Variants in E2F5 observed in about 807,000 individuals in gnomAD.
E2F5 encodes transcription factor E2F5.
Under a neutral mutation model 39.1 loss-of-function variants are expected in E2F5, and 23 were observed. That is an observed-to-expected ratio of 0.59 (90% CI 0.42 to 0.83). The LOEUF is 0.83. E2F5 is among the 40% of genes least tolerant of loss of function. E2F5 has a pLI of 0.00. For synonymous variants in E2F5, 145 were observed against 157.8 expected, an observed-to-expected ratio of 0.92 and a Z score of 0.61; for missense variants, 365 against 406.7, an observed-to-expected ratio of 0.90 and a Z score of 0.88.
Position 85,212,134 on chromosome 8 carries a change from C to T in E2F5, c.884-23C>T, listed in dbSNP as rs552106113. 7.9e-5 allele frequency: 126 copies of T among 1,587,916 alleles called. 3 individuals carry two copies. The South Asian group carries it at 1.3e-3, about 17-fold the overall frequency. On this transcript the variant is annotated intron_variant, in intron 6 of 7. Coordinates refer to ENST00000416274, the MANE Select transcript of E2F5 (RefSeq NM_001951.4). ...TCTTTTACTGTTAACAGAAATATAA[C>T]AAAACTTTATTACTGTTTCCAGCAG... is the stretch of plus-strand genomic sequence containing the variant.
At chr8:85,198,663 G>A (rs951216071) in intron 1 of E2F5, among the ~76,000 whole-genome samples, 1 of 152,136 alleles carries the variant, frequency 6.6e-6, no homozygotes, top group Non-Finnish European at 1.5e-5. Flanking sequence ...ATTTTCTTCT[G>A]ACTTCAGTGG....
At chr8:85,212,040 C>T (rs1812935565) in intron 6 of E2F5, 117 bp from the exon 7 acceptor site, 2 of 757,670 alleles carry the variant, frequency 2.6e-6, no homozygotes, top group Non-Finnish European at 4.4e-6. Flanking sequence ...CCACAAAGTA[C>T]TAGTACTTTA....
intron 1 of E2F5, among the ~76,000 whole-genome samples, chr8:85,192,842 T>C (rs1019679856): frequency 6.6e-6 from 1 of 152,252 alleles, no homozygotes; most frequent in Non-Finnish European, 1.5e-5. Context: ...TGAGTTTATG[T>C]CCTGACTTTA....
At chr8:85,213,521 C>G (rs1436865462) in intron 7 of E2F5, 103 of 196,782 alleles carry the variant, frequency 5.2e-4, no homozygotes, top group African/African-American at 3.5e-3. Context: ...CCAGCCTGGA[C>G]GAAACAGGGA....
At chr8:85,195,622 T>G (rs1812563352) in intron 1 of E2F5, among the ~76,000 whole-genome samples, 2 of 152,090 alleles carry the variant, frequency 1.3e-5, no homozygotes, top group Admixed American at 1.3e-4. Flanking sequence ...CCCAAATAGC[T>G]GGGACTGCAG....
intron 1 of E2F5, among the ~76,000 whole-genome samples, chr8:85,183,768 C>T (rs2136040791): frequency 6.6e-6 from 1 of 152,186 alleles, no homozygotes; most frequent in South Asian, 2.1e-4. Context: ...GAATTTGTTG[C>T]TTAATGGATG....
At chr8:85,186,445 T>C (rs914521391) in intron 1 of E2F5, among the ~76,000 whole-genome samples, 2 of 151,784 alleles carry the variant, frequency 1.3e-5, no homozygotes, top group Admixed American at 6.6e-5. Flanking sequence ...CCATGGCACA[T>C]GTATACCTAT....
chr8:85,191,910 T>G (rs994827738), intron 1 of E2F5, among the ~76,000 whole-genome samples: 4 of 152,178 alleles, frequency 2.6e-5, no homozygotes, highest in African/African-American at 9.7e-5. Context: ...AGCAAGACAG[T>G]GTATGTCAGA....
chr8:85,211,165 T>TG (rs1812911199), intron 6 of E2F5, among the ~76,000 whole-genome samples: 1 of 148,418 alleles, frequency 6.7e-6, no homozygotes, highest in Non-Finnish European at 1.5e-5. Flanking sequence ...GCAGGTACAC[T>TG]GCTTGAGCCC....
chr8:85,207,431 C>G lies in E2F5; in HGVS notation c.557C>G (p.Thr186Arg). ...TATATTTATTTTTGACCAGGTGATA[C>G]ACTTTTGGCCATTCAGGCACCTTCT... The part of the protein sequence containing the change: ...EDICNCFNGD[T>R]LLAIQAPSGT... The change falls in exon 5 of 8, where the codon ACA becomes AGA. Residue 186 changes from threonine (T) to arginine (R), a missense_variant. Transcript: ENST00000416274. 1 of 1,557,122 alleles carries G rather than the reference C, an allele frequency of 6.4e-7. No homozygotes were observed. The highest frequency in any genetic ancestry group is 1.2e-5 in the South Asian group (1 of 84,442).
chr8:85,178,499 A>G (rs1353789804), intron 1 of E2F5, among the ~76,000 whole-genome samples: 1 of 152,210 alleles, frequency 6.6e-6, no homozygotes, highest in African/African-American at 2.4e-5. Flanking sequence ...GATTTGGAAG[A>G]ATTCAACAGC....
chr8:85,177,333 C>A lies in E2F5; in HGVS notation c.-88C>A. 1.0e-6 allele frequency: 1 copy of A among 960,540 alleles called. No individual in the cohort carries two copies. The highest frequency in any genetic ancestry group is 4.8e-5 in the South Asian group (1 of 20,782). 59.5% of individuals were successfully genotyped at this position (960,540 alleles called of 1,614,324 possible). On this transcript the variant is annotated 5_prime_UTR_variant, in exon 1 of 8. Transcript: ENST00000416274. Reference sequence around the variant, plus strand: ...CGCTCTCGGCGGGCGGGGAAGCGGCCGCAGCGGAGCCGACCCGGCAGGTGG... The same window carrying A: ...CGCTCTCGGCGGGCGGGGAAGCGGCAGCAGCGGAGCCGACCCGGCAGGTGG...
chr8:85,200,483 G>T (rs1812673980), intron 1 of E2F5, among the ~76,000 whole-genome samples: 1 of 152,184 alleles, frequency 6.6e-6, no homozygotes, highest in Non-Finnish European at 1.5e-5. Context: ...TAAATCTCAT[G>T]GCACTTTGCC....
Position 85,177,345 on chromosome 8 carries a change from G to C in E2F5, c.-76G>C. ...GCGGGGAAGCGGCCGCAGCGGAGCC[G>C]ACCCGGCAGGTGGCCGCGGGCGGGG... On this transcript the variant is annotated 5_prime_UTR_variant, in exon 1 of 8. Transcript: ENST00000416274. 1 of 977,036 alleles carries C rather than the reference G, an allele frequency of 1.0e-6. No individual in the cohort carries two copies. Among genetic ancestry groups the C allele is most frequent in the Non-Finnish European group, 1.2e-6 (1 of 822,436 alleles). The allele number at this position is 977,036 out of a possible 1,614,324, so 60.5% of individuals were successfully genotyped here.
chr8:85,207,341 T>G lies in E2F5; in HGVS notation c.551-84T>G, dbSNP rs1451836398. On this transcript the variant is annotated intron_variant, in intron 4 of 7. Coordinates refer to ENST00000416274, the MANE Select transcript of E2F5 (RefSeq NM_001951.4). Reference sequence around the variant, plus strand: ...CCTAGTTTGGGATTGAACCAAACACTCTGATTCCAGAGCCCACATTCTTGC... The same window carrying G: ...CCTAGTTTGGGATTGAACCAAACACGCTGATTCCAGAGCCCACATTCTTGC... 16 of 1,221,138 alleles carry G rather than the reference T, an allele frequency of 1.3e-5. No individual in the cohort carries two copies. In the East Asian group the frequency reaches 3.6e-4, roughly 27 times the overall value. The allele number at this position is 1,221,138 out of a possible 1,614,324, so 75.6% of individuals were successfully genotyped here. A position where few individuals can be genotyped will look rare whatever the true frequency, so the allele number is the denominator to read the frequency against.
intron 1 of E2F5, among the ~76,000 whole-genome samples, chr8:85,186,278 A>G (rs1250494703): frequency 1.3e-5 from 2 of 151,920 alleles, no homozygotes; most frequent in East Asian, 3.9e-4. Context: ...CAAACACCAC[A>G]TGTTCTCACT....
At chr8:85,198,683 CCCT>C (rs1812631077) in intron 1 of E2F5, among the ~76,000 whole-genome samples, 1 of 152,190 alleles carries the variant, frequency 6.6e-6, no homozygotes, top group African/African-American at 2.4e-5. Flanking sequence ...GCAGGTTGCT[CCCT>C]CATTTCCTGG....
chr8:85,186,305 A>C (rs1387241852), intron 1 of E2F5, among the ~76,000 whole-genome samples: 1 of 152,104 alleles, frequency 6.6e-6, no homozygotes, highest in African/African-American at 2.4e-5. Flanking sequence ...TGGGAGTTGA[A>C]CAAGAACACA....
chr8:85,209,776 A>C (rs4150960), intron 6 of E2F5, among the ~76,000 whole-genome samples: 161 of 152,286 alleles, frequency 1.1e-3, no homozygotes, highest in African/African-American at 3.4e-3. Flanking sequence ...AGGTTCTTTT[A>C]TCTCTCTTAG....
Sources: gnomAD v4.1 joint callset for allele counts (sites outside exome capture counted in the v4.1 genomes callset) on GRCh38, gnomAD v4.1.1 for gene constraint, MANE v1.5 for transcripts, NCBI Gene and HGNC (gene_info 2026-07-23, HGNC 2026-07-21) for gene names.